The following UBR3 variants were observed in gnomAD, a reference collection of about 807,000 sequenced individuals.
UBR3 encodes the protein ubiquitin protein ligase E3 component n-recognin 3.
In UBR3, 85 loss-of-function variants were observed where a neutral mutation model predicts 243.2. The observed-to-expected ratio is 0.35, with a 90% confidence interval of 0.29 to 0.42. UBR3 has a LOEUF of 0.42. Ranked by LOEUF, UBR3 falls within the 10% of genes least tolerant of loss-of-function variation. The probability of loss-of-function intolerance (pLI) is 1.00; values close to 1 mark genes in which losing one functional copy is unlikely to be tolerated. For missense variants in UBR3, 1,686 were observed against 2,300.8 expected (o/e 0.73, Z 5.47); for synonymous variants, 748 against 799.8 (o/e 0.94, Z 1.09).
chr2:169,940,762 A>C (rs1263542949), intron 19 of UBR3, among the ~76,000 whole-genome samples: 3 of 152,234 alleles, frequency 2.0e-5, no homozygotes, highest in African/African-American at 4.8e-5. Context: ...CTGCTATTAC[A>C]GTTGTCCCCT....
Position 170,007,200 on chromosome 2 carries a change from A to G in UBR3, c.4230+10A>G. On this transcript the variant is annotated intron_variant, in intron 28 of 38. Transcript: ENST00000272793. ...ACCGGGAGCTTTCCCAGTAAGCATC[A>G]GTGTAAGGCATAAATATCCTGGTTA... The G allele has an allele frequency of 3.2e-6, 5 of 1,578,872 alleles. No homozygotes were observed. The highest frequency in any genetic ancestry group is 4.3e-6 in the Non-Finnish European group (5 of 1,161,312).
chr2:170,020,553 T>A (rs1462012174), intron 30 of UBR3, among the ~76,000 whole-genome samples: 1 of 152,204 alleles, frequency 6.6e-6, no homozygotes, highest in Non-Finnish European at 1.5e-5. Flanking sequence ...CTCTGTCTCC[T>A]GACAGATGTT....
intron 1 of UBR3, among the ~76,000 whole-genome samples, chr2:169,831,505 C>T (rs2081942372): frequency 6.6e-6 from 1 of 152,032 alleles, no homozygotes; most frequent in Non-Finnish European, 1.5e-5. Flanking sequence ...AGAGCTATTG[C>T]CTGTATGTGT....
intron 29 of UBR3, among the ~76,000 whole-genome samples, chr2:170,012,129 C>T (rs1288143912): frequency 6.6e-6 from 1 of 151,986 alleles, no homozygotes; most frequent in Non-Finnish European, 1.5e-5. Context: ...ACTTTGTAAA[C>T]TAATCATGTT....
chr2:169,882,029 A>G (rs2083885288), intron 5 of UBR3, among the ~76,000 whole-genome samples: 1 of 126,552 alleles, frequency 7.9e-6, no homozygotes, highest in Admixed American at 9.0e-5. Context: ...TATATATTAT[A>G]CATGCATATT....
At chr2:170,052,486 G>T (rs2091241064) in intron 32 of UBR3, among the ~76,000 whole-genome samples, 1 of 152,120 alleles carries the variant, frequency 6.6e-6, no homozygotes, top group African/African-American at 2.4e-5. Flanking sequence ...AGATAATGTG[G>T]CATATAAGTA....
intron 25 of UBR3, among the ~76,000 whole-genome samples, chr2:169,992,502 C>T (rs1412286941): frequency 6.6e-6 from 1 of 152,086 alleles, no homozygotes; most frequent in African/African-American, 2.4e-5. Flanking sequence ...AAATTCTCAA[C>T]AAAATTCTAG....
chr2:170,038,711 T>C (rs1345311956), intron 31 of UBR3, among the ~76,000 whole-genome samples: 3 of 152,172 alleles, frequency 2.0e-5, no homozygotes, highest in Non-Finnish European at 4.4e-5. Flanking sequence ...TGGAGGACTA[T>C]CATGTTTTAG....
chr2:170,018,593 G>C (rs1233683296), intron 30 of UBR3, among the ~76,000 whole-genome samples: 7 of 152,150 alleles, frequency 4.6e-5, no homozygotes, highest in Admixed American at 4.6e-4. Context: ...GCTGATTCCA[G>C]CAGTGAATTT....
At position 169,957,509 on chromosome 2, in the gene UBR3, C is replaced by T. The variant is rs189402413; in HGVS notation, c.3546-929C>T. Among the ~76,000 whole-genome samples the T allele has an allele frequency of 2.2e-3, 316 of 141,054 alleles. No homozygotes were observed. In the Middle Eastern group the frequency reaches 0.024, roughly 11 times the overall value. 92.5% of individuals were successfully genotyped at this position (141,054 alleles called of 152,430 possible). A position where few individuals can be genotyped will look rare whatever the true frequency, so the allele number is the denominator to read the frequency against. On this transcript the variant is annotated intron_variant, in intron 23 of 38. Transcript: ENST00000272793. ...TTCTCACTCATAGGTGGGAATTGAA[C>T]AGTGAGAACACTTGGACACAGGAAG...
chr2:170,020,030 CT>C (rs1403029816), intron 30 of UBR3, among the ~76,000 whole-genome samples: 1 of 152,166 alleles, frequency 6.6e-6, no homozygotes, highest in Admixed American at 6.5e-5. Flanking sequence ...ATCCTCCCAC[CT>C]TGGCCTCCCA....
intron 35 of UBR3, among the ~76,000 whole-genome samples, chr2:170,067,282 A>G (rs1311514748): frequency 1.3e-5 from 2 of 152,204 alleles, no homozygotes; most frequent in Admixed American, 6.5e-5. Flanking sequence ...TGTGCATTAC[A>G]TGTAAAATAA....
rs78042691 is a variant in UBR3 at position 170,007,978 on chromosome 2, T to G, written c.4230+788T>G. Among the ~76,000 whole-genome samples the G allele has an allele frequency of 3.3e-3, 506 of 152,274 alleles. 18 individuals are homozygous for G. In the East Asian group the frequency reaches 0.093, roughly 28 times the overall value. On this transcript the variant is annotated intron_variant, in intron 28 of 38. Transcript: ENST00000272793. ...ATTTAATCACTTAAAAATATGCCCA[T>G]TAGGTATATTAGGATTAAGAAGATA...
chr2:169,994,936 T>C (rs996127300), intron 26 of UBR3, among the ~76,000 whole-genome samples: 3 of 152,108 alleles, frequency 2.0e-5, no homozygotes, highest in Admixed American at 2.0e-4. Flanking sequence ...AGTATGGGTG[T>C]GGATGTGAGT....
At chr2:169,935,286 C>T (rs1352858325) in intron 19 of UBR3, among the ~76,000 whole-genome samples, 3 of 152,174 alleles carry the variant, frequency 2.0e-5, no homozygotes, top group African/African-American at 7.2e-5. Context: ...CCATCTTACC[C>T]CCCTGAGTAG....
intron 10 of UBR3, among the ~76,000 whole-genome samples, chr2:169,913,261 T>C (rs1184881151): frequency 6.6e-6 from 1 of 152,220 alleles, no homozygotes; most frequent in Non-Finnish European, 1.5e-5. Context: ...CCTATGATGT[T>C]GAGCATCTTT....
intron 30 of UBR3, among the ~76,000 whole-genome samples, chr2:170,025,601 A>G (rs2090508684): frequency 6.6e-6 from 1 of 152,350 alleles, no homozygotes. Context: ...ATTATGAGAT[A>G]TTGTGAACAG....
At chr2:169,890,510 T>C (rs756630504) in intron 5 of UBR3, among the ~76,000 whole-genome samples, 2 of 142,450 alleles carry the variant, frequency 1.4e-5, no homozygotes, top group Non-Finnish European at 3.0e-5. Flanking sequence ...TTATTTTTAG[T>C]GCGAGGTTTT....
At position 169,942,503 on chromosome 2, in the gene UBR3, A is replaced by G; in HGVS notation, c.2674A>G (p.Ser892Gly). Residue 892 changes from serine (S) to glycine (G), a missense_variant, in exon 20 of 39, where the codon AGT becomes GGT. This residue lies in a region of UBR3 where 346 missense variants were observed against 585.8 expected (regional missense o/e 0.59). Transcript: ENST00000272793. Reference sequence around the variant, plus strand: ...GTTTTATTTTTACAGTTTAAAACAGAGTGGAAAATTTCCTGGAAATCCCTG... The same window carrying G: ...GTTTTATTTTTACAGTTTAAAACAGGGTGGAAAATTTCCTGGAAATCCCTG... The part of the protein sequence containing the change: ...MDRYTAFLKQ[S>G]GKFPGNPWPP... 1 of 1,547,048 alleles carries G rather than the reference A, an allele frequency of 6.5e-7. No homozygotes were observed. The highest frequency in any genetic ancestry group is 8.7e-7 in the Non-Finnish European group (1 of 1,146,092).
Sources: allele counts gnomAD v4.1 joint callset (sites outside exome capture counted in the v4.1 genomes callset), GRCh38; gene constraint gnomAD v4.1.1; regional missense constraint gnomAD v4.1.1; transcripts MANE v1.5; gene names NCBI Gene and HGNC (gene_info 2026-07-23, HGNC 2026-07-21).